SCOC: variants seen among roughly 807,000 people sequenced by gnomAD.
SCOC encodes short coiled-coil protein, also known as short coiled coil protein.
SCOC carries 7 observed loss-of-function variants against 9.9 expected under a neutral mutation model. That is an observed-to-expected ratio of 0.71 (90% CI 0.40 to 1.33). The LOEUF (loss-of-function observed/expected upper bound fraction) is 1.33, where lower values mean the gene tolerates loss of function less well. Among genes scored for constraint, SCOC ranks in the 40% most tolerant of loss-of-function variants. SCOC has a pLI of 0.01. For missense variants in SCOC, 66 were observed against 89.7 expected, an observed-to-expected ratio of 0.74 and a Z score of 1.07; for synonymous variants, 19 against 28.2, an observed-to-expected ratio of 0.67 and a Z score of 1.03.
chr4:140,295,930 C>CAAAA lies in SCOC; in HGVS notation c.-19+38534_-19+38537dup, dbSNP rs1203213131. ...TGGGCGACAGAGCGAGACTCCGTCT[C>CAAAA]AAAAAAAAAAAAAAAAAGAAAGAAA... On this transcript the variant is annotated intron_variant, in intron 1 of 4. Transcript: ENST00000394205. Among the ~76,000 whole-genome samples the CAAAA allele has an allele frequency of 5.9e-4, 31 of 52,618 alleles. 1 individual carries two copies. Among genetic ancestry groups the CAAAA allele is most frequent in the African/African-American group, 1.7e-3 (22 of 13,048 alleles). 34.5% of individuals were successfully genotyped at this position (52,618 alleles called of 152,430 possible).
chr4:140,363,717 G>A (rs1727669485), intron 2 of SCOC, among the ~76,000 whole-genome samples: 1 of 152,172 alleles, frequency 6.6e-6, no homozygotes. Flanking sequence ...TAAGTGCTGT[G>A]AGTATCCACT....
At chr4:140,284,770 CAAAA>C (rs34770368) in intron 1 of SCOC, 41 of 78,860 alleles carry the variant, frequency 5.2e-4, no homozygotes, top group African/African-American at 1.3e-3. Flanking sequence ...CTATTTCTTT[CAAAA>C]AAAAAAAAAA....
chr4:140,378,214 C>T (rs1414888886), intron 1 of SCOC, among the ~76,000 whole-genome samples: 1 of 151,788 alleles, frequency 6.6e-6, no homozygotes, highest in Non-Finnish European at 1.5e-5. Context: ...TTTAGATGGT[C>T]TAGTATTTAT....
upstream of SCOC, among the ~76,000 whole-genome samples, chr4:140,339,859 C>A (rs375939347): frequency 5.3e-5 from 8 of 152,194 alleles, no homozygotes; most frequent in Admixed American, 3.9e-4. Flanking sequence ...GGTGGGACTG[C>A]AAACTAGTTC....
intron 1 of SCOC, among the ~76,000 whole-genome samples, chr4:140,279,124 C>T (rs1405459047): frequency 6.6e-6 from 1 of 152,154 alleles, no homozygotes; most frequent in Non-Finnish European, 1.5e-5. Context: ...ACCACAGGGC[C>T]TTTGCACAAG....
At chr4:140,310,996 C>T (rs1425393526) in intron 1 of SCOC, among the ~76,000 whole-genome samples, 2 of 152,170 alleles carry the variant, frequency 1.3e-5, no homozygotes, top group Non-Finnish European at 2.9e-5. Flanking sequence ...AAGTGTTAGA[C>T]CTAGGGAAAA....
chr4:140,280,669 C>T (rs2126415299), intron 1 of SCOC, among the ~76,000 whole-genome samples: 1 of 152,282 alleles, frequency 6.6e-6, no homozygotes, highest in East Asian at 1.9e-4. Context: ...TTCATGGACT[C>T]CTAAAAAGAG....
At chr4:140,313,422 T>G (rs1293911281) in intron 1 of SCOC, among the ~76,000 whole-genome samples, 1 of 152,112 alleles carries the variant, frequency 6.6e-6, no homozygotes. Flanking sequence ...CAGCTAATTT[T>G]TGTACTTTTA....
intron 1 of SCOC, 170 bp downstream of exon 1, chr4:140,373,887 T>C (rs1244103900): frequency 6.6e-6 from 5 of 760,296 alleles, no homozygotes; most frequent in Non-Finnish European, 1.1e-5. Context: ...GAGGCCTGGC[T>C]CCCGGCAGAA....
chr4:140,357,830 G>A (rs1014758966), intron 2 of SCOC, among the ~76,000 whole-genome samples: 2 of 151,280 alleles, frequency 1.3e-5, no homozygotes, highest in African/African-American at 4.9e-5. Flanking sequence ...AAAGAATGAC[G>A]AATAGTAGCA....
At chr4:140,259,125 C>G (rs1730574029) in intron 1 of SCOC, among the ~76,000 whole-genome samples, 1 of 152,180 alleles carries the variant, frequency 6.6e-6, no homozygotes, top group Admixed American at 6.5e-5. Flanking sequence ...AATGCATGGG[C>G]AAGGCTCAGA....
At chr4:140,272,139 C>T (rs1730860197) in intron 1 of SCOC, among the ~76,000 whole-genome samples, 1 of 151,112 alleles carries the variant, frequency 6.6e-6, no homozygotes, top group Non-Finnish European at 1.5e-5. Context: ...TCACTGCAGG[C>T]TTGACCTCCT....
chr4:140,377,810 C>T (rs901931305), intron 1 of SCOC, among the ~76,000 whole-genome samples: 4 of 152,096 alleles, frequency 2.6e-5, no homozygotes, highest in African/African-American at 7.2e-5. Flanking sequence ...ATGTAGATAT[C>T]CTTATTTAAT....
intron 1 of SCOC, among the ~76,000 whole-genome samples, chr4:140,334,195 A>C (rs923342573): frequency 2.0e-5 from 3 of 152,188 alleles, no homozygotes; most frequent in Admixed American, 2.0e-4. Context: ...TGCCCAGACA[A>C]ATTCTATTAT....
At chr4:140,282,684 G>A (rs1054996800) in intron 1 of SCOC, among the ~76,000 whole-genome samples, 1 of 152,282 alleles carries the variant, frequency 6.6e-6, no homozygotes, top group East Asian at 1.9e-4. Flanking sequence ...ACTCTTCATC[G>A]TCAGCTGTGT....
Position 140,379,613 on chromosome 4 carries a change from CTT to C in SCOC, c.68_69del (p.Leu23HisfsTer2). The C allele has an allele frequency of 6.2e-7, 1 of 1,612,786 alleles. No individual in the cohort carries two copies. Among genetic ancestry groups the C allele is most frequent in the South Asian group, 1.1e-5 (1 of 90,924 alleles). On this transcript the variant is annotated frameshift_variant, in exon 3 of 4. Coordinates refer to ENST00000608372, the MANE Select transcript of SCOC (RefSeq NM_001153484.2). LOFTEE classifies it high-confidence loss of function. ...NQVELEEKTR[L>X]INQVLELQHT... ...AGTGGAACTGGAGGAAAAAACAAGA[CTT>C]ATTAATCAAGTGTTGGAACTCCAAC...
At chr4:140,320,765 C>A (rs1732477905) in intron 1 of SCOC, among the ~76,000 whole-genome samples, 1 of 152,080 alleles carries the variant, frequency 6.6e-6, no homozygotes, top group Admixed American at 6.6e-5. Context: ...GGAAGTTGGT[C>A]AAAACTGTAC....
chr4:140,367,242 T>C (rs1279063713), intron 2 of SCOC, among the ~76,000 whole-genome samples: 3 of 151,938 alleles, frequency 2.0e-5, no homozygotes, highest in Non-Finnish European at 4.4e-5. Context: ...TTCTCATAAA[T>C]AAATAAATAA....
chr4:140,300,361 T>G (rs1211726597), intron 1 of SCOC, among the ~76,000 whole-genome samples: 1 of 152,196 alleles, frequency 6.6e-6, no homozygotes, highest in Non-Finnish European at 1.5e-5. Context: ...AGAGCCTGCA[T>G]CTGCACACTC....
Sources: allele counts gnomAD v4.1 joint callset (sites outside exome capture counted in the v4.1 genomes callset), GRCh38; gene constraint gnomAD v4.1.1; transcripts MANE v1.5; gene names NCBI Gene and HGNC (gene_info 2026-07-23, HGNC 2026-07-21).